The following MBD5 variants were observed in gnomAD, a reference collection of about 807,000 sequenced individuals.
MBD5 encodes methyl-CpG-binding domain protein 5.
Under a neutral mutation model 117.3 loss-of-function variants are expected in MBD5, and 13 were observed. The observed-to-expected ratio is 0.11, with a 90% CI of 0.07 to 0.18. The LOEUF (loss-of-function observed/expected upper bound fraction) is 0.18, where lower values mean the gene tolerates loss of function less well. MBD5 is among the 10% of genes least tolerant of loss of function. The pLI is 1.00. For synonymous variants in MBD5, 727 were observed against 766.4 expected, an observed-to-expected ratio of 0.95 and a Z score of 0.85; for missense variants, 1,879 against 2,093.8, an observed-to-expected ratio of 0.90 and a Z score of 2.00.
At chr2:148,188,578 G>C (rs1698729811) in intron 2 of MBD5, among the ~76,000 whole-genome samples, 1 of 151,572 alleles carries the variant, frequency 6.6e-6, no homozygotes, top group Non-Finnish European at 1.5e-5. Context: ...CTCAGAGGCT[G>C]AGGCTGAAAT....
At chr2:148,139,752 T>C (rs920133944) in intron 1 of MBD5, among the ~76,000 whole-genome samples, 4 of 152,126 alleles carry the variant, frequency 2.6e-5, no homozygotes, top group African/African-American at 9.7e-5. Context: ...GCACCCATTA[T>C]CTCTCAATAT....
intron 1 of MBD5, among the ~76,000 whole-genome samples, chr2:148,129,222 C>T (rs1696976982): frequency 6.6e-6 from 1 of 152,094 alleles, no homozygotes; most frequent in Non-Finnish European, 1.5e-5. Flanking sequence ...AGACCGGGTG[C>T]TGTGGCTCAT....
At chr2:148,116,290 A>G (rs1021276512) in intron 1 of MBD5, among the ~76,000 whole-genome samples, 9 of 151,966 alleles carry the variant, frequency 5.9e-5, no homozygotes, top group African/African-American at 2.2e-4. Context: ...ACTGGTATTC[A>G]TTGCTCAGAA....
intron 1 of MBD5, among the ~76,000 whole-genome samples, chr2:148,138,020 A>G (rs1558941288): frequency 2.0e-5 from 3 of 152,240 alleles, no homozygotes; most frequent in African/African-American, 2.4e-5. Flanking sequence ...TAAGTGACAC[A>G]TGATGGTATT....
At chr2:148,470,486 C>A in intron 8 of MBD5, 25 bp downstream of exon 8, 2 of 1,547,586 alleles carry the variant, frequency 1.3e-6, no homozygotes, top group South Asian at 1.2e-5. Context: ...GAAAAAAGTA[C>A]CCAAAGGTAC....
chr2:148,490,662 TC>T (rs1338798351), intron 11 of MBD5, 68 bp downstream of exon 11: 1 of 1,583,758 alleles, frequency 6.3e-7, no homozygotes, highest in Non-Finnish European at 8.6e-7. Flanking sequence ...CTTTTTGTTA[TC>T]ATCACTTTGG....
chr2:148,240,120 A>G (rs1700182015), intron 3 of MBD5, among the ~76,000 whole-genome samples: 1 of 152,190 alleles, frequency 6.6e-6, no homozygotes, highest in Non-Finnish European at 1.5e-5. Context: ...CTTTATAGGG[A>G]CATAGATGAA....
intron 4 of MBD5, among the ~76,000 whole-genome samples, chr2:148,382,335 A>G (rs1274493995): frequency 6.6e-6 from 1 of 152,216 alleles, no homozygotes; most frequent in Non-Finnish European, 1.5e-5. Context: ...CTTTAAAACA[A>G]CAAAGATCAA....
chr2:148,283,649 A>G (rs1040016359), intron 3 of MBD5, among the ~76,000 whole-genome samples: 1 of 152,180 alleles, frequency 6.6e-6, no homozygotes, highest in Admixed American at 6.5e-5. Context: ...ATTTTAAGTC[A>G]TAAGAAATGT....
intron 3 of MBD5, among the ~76,000 whole-genome samples, chr2:148,294,694 C>T (rs1235970652): frequency 6.6e-6 from 1 of 151,798 alleles, no homozygotes; most frequent in Admixed American, 6.6e-5. Flanking sequence ...TTAGTAGAGA[C>T]AGGCTTTCAC....
chr2:148,371,547 G>A (rs112982561), intron 4 of MBD5, among the ~76,000 whole-genome samples: 4,197 of 152,226 alleles, frequency 0.028, 82 homozygotes, highest in Non-Finnish European at 0.046. Context: ...TAAATATTAC[G>A]TTAATTCCAG....
At chr2:148,225,202 G>A (rs1469943560) in intron 2 of MBD5, among the ~76,000 whole-genome samples, 3 of 151,964 alleles carry the variant, frequency 2.0e-5, no homozygotes, top group South Asian at 2.1e-4. Flanking sequence ...TATGTTTTGT[G>A]TATTAGTTGT....
intron 4 of MBD5, among the ~76,000 whole-genome samples, chr2:148,415,203 C>G (rs942180045): frequency 1.3e-5 from 2 of 151,994 alleles, no homozygotes; most frequent in African/African-American, 4.8e-5. Context: ...TGAAAAGGGT[C>G]TTTTTACTCC....
intron 4 of MBD5, among the ~76,000 whole-genome samples, chr2:148,423,188 C>T (rs1705665481): frequency 1.3e-5 from 2 of 152,048 alleles, no homozygotes; most frequent in Admixed American, 6.6e-5. Context: ...AGAGAAGGGT[C>T]GGGTTACCCA....
chr2:148,459,099 TAAG>T (rs1328530132), intron 5 of MBD5, among the ~76,000 whole-genome samples: 3 of 152,078 alleles, frequency 2.0e-5, no homozygotes, highest in East Asian at 1.9e-4. Flanking sequence ...TAAAGAAAAA[TAAG>T]AAGATTTCTA....
chr2:148,145,220 G>C (rs913215204), intron 1 of MBD5, among the ~76,000 whole-genome samples: 4 of 152,076 alleles, frequency 2.6e-5, no homozygotes, highest in Non-Finnish European at 4.4e-5. Flanking sequence ...ATTGTGAATG[G>C]GAGTTCCCTC....
chr2:148,328,780 A>T (rs1702548879), intron 3 of MBD5, among the ~76,000 whole-genome samples: 1 of 152,198 alleles, frequency 6.6e-6, no homozygotes, highest in African/African-American at 2.4e-5. Flanking sequence ...CCTCAGATGG[A>T]AATGCAGAAA....
At chr2:148,343,503 A>G (rs1235347831) in intron 4 of MBD5, among the ~76,000 whole-genome samples, 2 of 151,846 alleles carry the variant, frequency 1.3e-5, no homozygotes, top group African/African-American at 4.8e-5. Flanking sequence ...TATGGTTTTG[A>G]TTTGCATTTC....
intron 1 of MBD5, among the ~76,000 whole-genome samples, chr2:148,103,633 T>C (rs1458679925): frequency 6.6e-6 from 1 of 152,154 alleles, no homozygotes; most frequent in Non-Finnish European, 1.5e-5. Context: ...ACCAGAGATA[T>C]ACCCACCTTT....
Sources: gnomAD v4.1 joint callset for allele counts (sites outside exome capture counted in the v4.1 genomes callset) on GRCh38, gnomAD v4.1.1 for gene constraint, MANE v1.5 for transcripts, NCBI Gene and HGNC (gene_info 2026-07-23, HGNC 2026-07-21) for gene names.